GTF2F2: variants seen among roughly 807,000 people sequenced by gnomAD.
GTF2F2 encodes the protein general transcription factor IIF subunit 2.
A neutral mutation model predicts 42.2 loss-of-function variants in GTF2F2; 23 were observed. The ratio of observed to expected loss-of-function variants is 0.55; its 90% CI spans 0.39 to 0.77. The LOEUF is 0.77. GTF2F2 is among the 30% of genes least tolerant of loss of function. The pLI is 0.00. For missense variants in GTF2F2, 261 were observed against 287.2 expected (o/e 0.91, Z 0.66); for synonymous variants, 105 against 100.8 (o/e 1.04, Z -0.25).
At chr13:45,235,891 C>T (rs1874953075) in intron 5 of GTF2F2, among the ~76,000 whole-genome samples, 1 of 152,112 alleles carries the variant, frequency 6.6e-6, no homozygotes, top group South Asian at 2.1e-4. Flanking sequence ...AGGGATGAGC[C>T]ACCGCACATG....
At chr13:45,145,793 T>A (rs574864275) in intron 2 of GTF2F2, among the ~76,000 whole-genome samples, 7 of 152,132 alleles carry the variant, frequency 4.6e-5, no homozygotes, top group Non-Finnish European at 8.8e-5. Flanking sequence ...GGGCTGTAGC[T>A]CCCCTCAGTG....
At chr13:45,180,846 C>CT (rs1262619520) in intron 4 of GTF2F2, among the ~76,000 whole-genome samples, 1 of 151,944 alleles carries the variant, frequency 6.6e-6, no homozygotes, top group Non-Finnish European at 1.5e-5. Flanking sequence ...CTGATGTGGT[C>CT]TTTGTCATAT....
chr13:45,135,551 C>G (rs1869577289), intron 1 of GTF2F2, among the ~76,000 whole-genome samples: 1 of 152,228 alleles, frequency 6.6e-6, no homozygotes, highest in Non-Finnish European at 1.5e-5. Flanking sequence ...AGCCACCGCG[C>G]CCAGCCCTGT....
Position 45,227,785 on chromosome 13 carries a change from A to G in GTF2F2, c.386+20280A>G, listed in dbSNP as rs115791070. On this transcript the variant is annotated intron_variant, in intron 5 of 7. Transcript: ENST00000340473. ...AACACCATGCTGGTGCTCACTTTTT[A>G]GGAGGCTGTGGGAATCCTGAGTCCT... Among the ~76,000 whole-genome samples the G allele has an allele frequency of 2.3e-3, 353 of 152,294 alleles. 1 individual carries two copies. Among genetic ancestry groups the G allele is most frequent in the African/African-American group, 8.0e-3 (334 of 41,570 alleles).
chr13:45,235,611 A>G (rs1052995088), intron 5 of GTF2F2, among the ~76,000 whole-genome samples: 5 of 150,592 alleles, frequency 3.3e-5, no homozygotes, highest in African/African-American at 1.2e-4. Flanking sequence ...TTTTCCTGAG[A>G]TAGAGTCCCG....
chr13:45,143,719 C>T (rs1298619079), intron 2 of GTF2F2, among the ~76,000 whole-genome samples: 1 of 151,964 alleles, frequency 6.6e-6, no homozygotes, highest in Non-Finnish European at 1.5e-5. Context: ...TTGGGAGAGG[C>T]AGAGAGGAGG....
At chr13:45,168,483 A>G (rs528446146) in intron 4 of GTF2F2, among the ~76,000 whole-genome samples, 36 of 152,374 alleles carry the variant, frequency 2.4e-4, no homozygotes, top group African/African-American at 8.4e-4. Flanking sequence ...TAAGGCACAT[A>G]TTAAGCAACA....
intron 5 of GTF2F2, among the ~76,000 whole-genome samples, chr13:45,250,927 T>C (rs1320016764): frequency 6.6e-6 from 1 of 152,252 alleles, no homozygotes; most frequent in East Asian, 1.9e-4. Context: ...GTAAGTATTA[T>C]TTATGGTTAC....
intron 7 of GTF2F2, among the ~76,000 whole-genome samples, chr13:45,267,950 G>A (rs1246726274): frequency 1.3e-5 from 2 of 151,480 alleles, no homozygotes; most frequent in African/African-American, 2.4e-5. Flanking sequence ...TAACAAATTC[G>A]TATTTTAGAA....
chr13:45,180,382 C>T (rs542899453), intron 4 of GTF2F2, among the ~76,000 whole-genome samples: 15 of 152,240 alleles, frequency 9.9e-5, no homozygotes, highest in African/African-American at 3.4e-4. Context: ...ACTATAGACT[C>T]ATGCGTATTT....
intron 4 of GTF2F2, among the ~76,000 whole-genome samples, chr13:45,200,328 A>G (rs1873113444): frequency 6.6e-6 from 1 of 152,072 alleles, no homozygotes; most frequent in Non-Finnish European, 1.5e-5. Context: ...TATAAAATTA[A>G]ATTTTATTTT....
At chr13:45,168,816 CTT>C (rs1566121322) in intron 4 of GTF2F2, among the ~76,000 whole-genome samples, 10 of 149,404 alleles carry the variant, frequency 6.7e-5, no homozygotes, top group African/African-American at 2.5e-4. Context: ...TCCTTCCTTC[CTT>C]CCTTCCTTCC....
intron 4 of GTF2F2, among the ~76,000 whole-genome samples, chr13:45,158,879 T>C (rs1427686707): frequency 1.3e-5 from 2 of 152,228 alleles, no homozygotes; most frequent in Non-Finnish European, 2.9e-5. Context: ...AATGGTACTT[T>C]TTAGAATGGT....
At chr13:45,273,827 T>A (rs1027087017) in intron 7 of GTF2F2, among the ~76,000 whole-genome samples, 5 of 152,010 alleles carry the variant, frequency 3.3e-5, no homozygotes, top group Admixed American at 3.3e-4. Context: ...GCTAAAATTT[T>A]TAAGCTTATT....
Position 45,240,759 on chromosome 13 carries a change from C to T in GTF2F2, c.387-12112C>T, listed in dbSNP as rs557879174. 2.6e-5 allele frequency among the ~76,000 whole-genome samples: 4 copies of T among 151,982 alleles called. No homozygotes were observed. The East Asian group carries it at 5.8e-4, about 22-fold the overall frequency. ...AGGAGAATCGCTTGAACCTGGGATG[C>T]GGAGGTTGCAGTGAGCTGAGATCGC... On this transcript the variant is annotated intron_variant, in intron 5 of 7. Coordinates refer to ENST00000340473, the MANE Select transcript of GTF2F2 (RefSeq NM_004128.3).
chr13:45,192,192 GAT>G (rs1294518818), intron 4 of GTF2F2, among the ~76,000 whole-genome samples: 1 of 152,062 alleles, frequency 6.6e-6, no homozygotes, highest in African/African-American at 2.4e-5. Flanking sequence ...GTATGTAAAA[GAT>G]AATGTTTTAG....
intron 6 of GTF2F2, among the ~76,000 whole-genome samples, chr13:45,258,679 A>C (rs895215056): frequency 6.6e-6 from 1 of 152,232 alleles, no homozygotes; most frequent in Non-Finnish European, 1.5e-5. Context: ...TGAGAGCAAA[A>C]CGAAAACGTA....
At chr13:45,237,469 G>A (rs1414662120) in intron 5 of GTF2F2, among the ~76,000 whole-genome samples, 1 of 152,156 alleles carries the variant, frequency 6.6e-6, no homozygotes, top group Non-Finnish European at 1.5e-5. Flanking sequence ...TATGGGTACT[G>A]GAGTGATAAT....
intron 5 of GTF2F2, among the ~76,000 whole-genome samples, chr13:45,227,966 A>T (rs1874447565): frequency 6.6e-6 from 1 of 152,168 alleles, no homozygotes; most frequent in South Asian, 2.1e-4. Flanking sequence ...AATCCTAGGA[A>T]TTACCAGTGA....
Sources: allele counts gnomAD v4.1 joint callset (sites outside exome capture counted in the v4.1 genomes callset), GRCh38; gene constraint gnomAD v4.1.1; transcripts MANE v1.5; gene names NCBI Gene and HGNC (gene_info 2026-07-23, HGNC 2026-07-21).